The following EPS15 variants were observed in gnomAD, a reference collection of about 807,000 sequenced individuals.
EPS15 encodes the protein epidermal growth factor receptor substrate 15.
A neutral mutation model predicts 113.8 loss-of-function variants in EPS15; 72 were observed. The ratio of observed to expected loss-of-function variants is 0.63; its 90% CI spans 0.52 to 0.77. EPS15 has a LOEUF of 0.77. Among genes scored for constraint, EPS15 ranks in the 30% least tolerant of loss-of-function variants. The pLI is 0.00. For synonymous variants in EPS15, 344 were observed against 363.4 expected, an observed-to-expected ratio of 0.95 and a Z score of 0.61; for missense variants, 1,048 against 1,045.8, an observed-to-expected ratio of 1.00 and a Z score of -0.03.
chr1:51,414,182 C>T (rs140726631), intron 13 of EPS15, among the ~76,000 whole-genome samples: 5,546 of 152,072 alleles, frequency 0.036, 128 homozygotes, highest in Non-Finnish European at 0.054. Context: ...GAGGCTGAGA[C>T]GGGTGGATGA....
At chr1:51,514,665 C>T (rs1003809442) in intron 1 of EPS15, among the ~76,000 whole-genome samples, 1 of 152,152 alleles carries the variant, frequency 6.6e-6, no homozygotes, top group African/African-American at 2.4e-5. Context: ...TAGTCTGTTA[C>T]TAGCATTCTG....
At chr1:51,390,405 G>A (rs1402460824) in intron 21 of EPS15, among the ~76,000 whole-genome samples, 1 of 152,132 alleles carries the variant, frequency 6.6e-6, no homozygotes, top group East Asian at 1.9e-4. Context: ...ATAGGCATGG[G>A]CAAGGACTTC....
At position 51,519,255 on chromosome 1, in the gene EPS15, G is replaced by A. The variant is rs1365198535; in HGVS notation, c.-24C>T. ...ATGGTGTTTCCATCATGCAAGGGAG[G>A]GGAAGGAAGACGGGCTGACTGGGGC... On this transcript the variant is annotated 5_prime_UTR_variant, in exon 1 of 25. Coordinates refer to ENST00000371733, the MANE Select transcript of EPS15 (RefSeq NM_001981.3). 2.2e-6 allele frequency: 3 copies of A among 1,346,376 alleles called. No homozygotes were observed. Among genetic ancestry groups the A allele is most frequent in the East Asian group, 2.9e-5 (1 of 34,506 alleles). The allele number at this position is 1,346,376 out of a possible 1,614,324, so 83.4% of individuals were successfully genotyped here. A position where few individuals can be genotyped will look rare whatever the true frequency, so the allele number is the denominator to read the frequency against.
chr1:51,487,263 A>G (rs1644141883), intron 1 of EPS15, among the ~76,000 whole-genome samples: 1 of 152,218 alleles, frequency 6.6e-6, no homozygotes, highest in Non-Finnish European at 1.5e-5. Flanking sequence ...AAACTGATAA[A>G]AATATTTATT....
intron 21 of EPS15, 107 bp from the exon 22 acceptor site, chr1:51,366,136 T>C (rs1570091799): frequency 1.5e-6 from 1 of 678,520 alleles, no homozygotes; most frequent in South Asian, 2.0e-5. Flanking sequence ...GGTACGATCA[T>C]GGCTCACTGC....
intron 21 of EPS15, among the ~76,000 whole-genome samples, chr1:51,381,272 T>G (rs894091092): frequency 6.6e-6 from 1 of 152,214 alleles, no homozygotes; most frequent in East Asian, 1.9e-4. Context: ...CAACTCTTAA[T>G]GAATTTTAAA....
Position 51,399,137 on chromosome 1 carries a change from A to C in EPS15, c.1947T>G (p.Gly649=), listed in dbSNP as rs1648258514. The part of the protein sequence containing the change: ...IDPFGGDPFK[G]SDPFASDCFF... ...AACAGTCTGATGCAAATGGATCTGA[A>C]CCTTTGAAAGGATCACCACCAAATG... Residue 649 remains glycine (G), a synonymous_variant, in exon 20 of 25, where the codon GGT becomes GGG. Transcript: ENST00000371733. The C allele has an allele frequency of 1.2e-6, 2 of 1,613,916 alleles. No homozygotes were observed. The highest frequency in any genetic ancestry group is 1.7e-5 in the Admixed American group (1 of 59,996).
At chr1:51,378,987 C>A (rs1420579155) in intron 21 of EPS15, among the ~76,000 whole-genome samples, 3 of 152,216 alleles carry the variant, frequency 2.0e-5, no homozygotes, top group African/African-American at 7.2e-5. Flanking sequence ...GGTCAACAAA[C>A]TCCACGTAGG....
intron 13 of EPS15, among the ~76,000 whole-genome samples, chr1:51,415,939 A>T (rs1172527149): frequency 3.9e-5 from 6 of 152,128 alleles, no homozygotes; most frequent in Non-Finnish European, 4.4e-5. Context: ...ACATGCTAAT[A>T]ACAAATTTCA....
chr1:51,401,840 T>C (rs143923330), intron 18 of EPS15, among the ~76,000 whole-genome samples: 2,333 of 152,194 alleles, frequency 0.015, 19 homozygotes, highest in Middle Eastern at 0.031. Context: ...CAGTCTCTAC[T>C]AAAAATACAA....
intron 2 of EPS15, among the ~76,000 whole-genome samples, chr1:51,480,453 C>T (rs149740665): frequency 1.3e-3 from 202 of 152,340 alleles, no homozygotes; most frequent in African/African-American, 4.7e-3. Context: ...CATACCAACA[C>T]AAATGAATAT....
At chr1:51,429,465 T>C (rs1189246942) in intron 12 of EPS15, among the ~76,000 whole-genome samples, 4 of 151,994 alleles carry the variant, frequency 2.6e-5, no homozygotes, top group Non-Finnish European at 5.9e-5. Flanking sequence ...GTTATGTATA[T>C]TTTATGATAA....
chr1:51,468,017 G>T (rs56058422), intron 5 of EPS15, among the ~76,000 whole-genome samples: 1 of 151,938 alleles, frequency 6.6e-6, no homozygotes, highest in East Asian at 1.9e-4. Context: ...GGAGAGCAAC[G>T]GTGTGATCAC....
chr1:51,460,866 A>C (rs1654383782), intron 8 of EPS15: 1 of 395,444 alleles, frequency 2.5e-6, no homozygotes, highest in Non-Finnish European at 4.6e-6. Context: ...AGGCACGAGA[A>C]TTACTTGAAC....
intron 13 of EPS15, among the ~76,000 whole-genome samples, chr1:51,417,707 G>A (rs1650373965): frequency 6.6e-6 from 1 of 152,220 alleles, no homozygotes; most frequent in South Asian, 2.1e-4. Context: ...TGGGATATGA[G>A]CTAGGCTTTA....
At position 51,354,594 on chromosome 1, in the gene EPS15, A is replaced by C. The variant is rs1646177444; in HGVS notation, c.*2106T>G. 6.2e-6 allele frequency: 1 copy of C among 161,052 alleles called. No individual in the cohort carries two copies. The highest frequency in any genetic ancestry group is 1.3e-4 in the East Asian group (1 of 7,470). The allele number at this position is 161,052 out of a possible 1,614,324, so 10.0% of individuals were successfully genotyped here. A position where few individuals can be genotyped will look rare whatever the true frequency, so the allele number is the denominator to read the frequency against. On this transcript the variant is annotated 3_prime_UTR_variant, in exon 25 of 25. Coordinates refer to ENST00000371733, the MANE Select transcript of EPS15 (RefSeq NM_001981.3). ...TGCCACTTAGCTCTGGGCAATACTT[A>C]TCTGTCCTTTTCAAGCACAGGCCCT...
intron 13 of EPS15, among the ~76,000 whole-genome samples, chr1:51,411,105 ATG>A (rs1649679291): frequency 1.3e-5 from 2 of 152,218 alleles, no homozygotes; most frequent in Non-Finnish European, 2.9e-5. Flanking sequence ...AATGTCTCAC[ATG>A]TGTCACTATT....
intron 1 of EPS15, among the ~76,000 whole-genome samples, chr1:51,508,245 AG>A (rs368432046): frequency 9.8e-4 from 58 of 59,478 alleles, no homozygotes; most frequent in South Asian, 3.1e-3. Context: ...AAAGAAAGAG[AG>A]AAAGAGAGAG....
chr1:51,367,578 A>C lies in EPS15; in HGVS notation c.2120-1549T>G, dbSNP rs116520346. Among the ~76,000 whole-genome samples the C allele has an allele frequency of 9.8e-4, 149 of 152,152 alleles. 1 individual carries two copies. The highest frequency in any genetic ancestry group is 3.6e-3 in the African/African-American group (148 of 41,526). ...ACAAACAAACAAACAAAGTATATTT[A>C]ATCAATGTTTCACAGGCCTGAGAAG... On this transcript the variant is annotated intron_variant, in intron 21 of 24. Coordinates refer to ENST00000371733, the MANE Select transcript of EPS15 (RefSeq NM_001981.3).
Sources: gnomAD v4.1 joint callset for allele counts (sites outside exome capture counted in the v4.1 genomes callset) on GRCh38, gnomAD v4.1.1 for gene constraint, MANE v1.5 for transcripts, NCBI Gene and HGNC (gene_info 2026-07-23, HGNC 2026-07-21) for gene names.